Variants in SLC24A2 observed in about 807,000 individuals in gnomAD.
SLC24A2 encodes solute carrier family 24 member 2.
SLC24A2 carries 36 observed loss-of-function variants against 62.0 expected under a neutral mutation model. The observed-to-expected ratio is 0.58, with a 90% confidence interval of 0.44 to 0.77. The LOEUF is 0.77. Ranked by LOEUF, SLC24A2 falls within the 30% of genes least tolerant of loss-of-function variation. The pLI, the probability that SLC24A2 is intolerant of heterozygous loss-of-function variation, is 0.00. For synonymous variants in SLC24A2, 358 were observed against 294.0 expected, an observed-to-expected ratio of 1.22 and a Z score of -2.23; for missense variants, 846 against 817.9, an observed-to-expected ratio of 1.03 and a Z score of -0.42.
chr9:19,915,925 C>T, the SLC24A2 span, among the ~76,000 whole-genome samples: 548 of 151,950 alleles, frequency 3.6e-3, 1 homozygote, highest in African/African-American at 0.011. Flanking sequence ...GGTTTTAAGT[C>T]CAATTATTTA....
chr9:19,513,254 G>A lies in SLC24A2; in HGVS notation c.*2899C>T, dbSNP rs2132612298. 6.7e-6 allele frequency: 1 copy of A among 148,738 alleles called. No homozygotes were observed. Among genetic ancestry groups the A allele is most frequent in the East Asian group, 2.0e-4 (1 of 5,012 alleles). The allele number at this position is 148,738 out of a possible 1,614,324, so 9.2% of individuals were successfully genotyped here. A position where few individuals can be genotyped will look rare whatever the true frequency, so the allele number is the denominator to read the frequency against. Reference sequence around the variant, plus strand: ...AAACGAGTTAGAGATGACCTGTTTTGGAAACCACGGTGTGGAAAGTTCTTA... The same window carrying A: ...AAACGAGTTAGAGATGACCTGTTTTAGAAACCACGGTGTGGAAAGTTCTTA... On this transcript the variant is annotated 3_prime_UTR_variant, in exon 11 of 11. Coordinates refer to ENST00000341998, the MANE Select transcript of SLC24A2 (RefSeq NM_020344.4).
At chr9:20,185,264 T>C in the SLC24A2 span, among the ~76,000 whole-genome samples, 1 of 152,204 alleles carries the variant, frequency 6.6e-6, no homozygotes, top group Non-Finnish European at 1.5e-5. Flanking sequence ...AATGCATATG[T>C]TAATTAGCTT....
At chr9:20,009,206 C>T in the SLC24A2 span, among the ~76,000 whole-genome samples, 1 of 152,006 alleles carries the variant, frequency 6.6e-6, no homozygotes, top group Non-Finnish European at 1.5e-5. Flanking sequence ...CTATGGGAAA[C>T]ACTGAGAGTA....
chr9:20,099,768 G>T, the SLC24A2 span, among the ~76,000 whole-genome samples: 1 of 152,078 alleles, frequency 6.6e-6, no homozygotes, highest in African/African-American at 2.4e-5. Flanking sequence ...TCTATAACTT[G>T]TTCCATTTTA....
chr9:20,090,640 G>A, the SLC24A2 span, among the ~76,000 whole-genome samples: 1 of 151,932 alleles, frequency 6.6e-6, no homozygotes, highest in African/African-American at 2.4e-5. Context: ...AAAGACAAGG[G>A]AGCTACAAAG....
the SLC24A2 span, among the ~76,000 whole-genome samples, chr9:19,884,726 C>G: frequency 2.0e-5 from 3 of 152,070 alleles, no homozygotes; most frequent in African/African-American, 7.2e-5. Context: ...ATTGTTTTCA[C>G]TTTCAGTACA....
At chr9:19,906,757 C>A in the SLC24A2 span, among the ~76,000 whole-genome samples, 1 of 151,024 alleles carries the variant, frequency 6.6e-6, no homozygotes, top group East Asian at 2.1e-4. Flanking sequence ...CGACATATAC[C>A]CTCCCAAGAC....
chr9:19,528,214 C>A, intron 8 of SLC24A2, 76 bp from the exon 9 acceptor site: 1 of 985,004 alleles, frequency 1.0e-6, no homozygotes, highest in Non-Finnish European at 1.6e-6. Flanking sequence ...AAGCTAAAGC[C>A]ACCATTGTAG....
the SLC24A2 span, among the ~76,000 whole-genome samples, chr9:19,794,610 G>A: frequency 1.6e-5 from 2 of 128,350 alleles, no homozygotes; most frequent in African/African-American, 5.2e-5. Context: ...AAAAAAAAAA[G>A]CCACAGTGTG....
At chr9:20,149,150 T>A in the SLC24A2 span, among the ~76,000 whole-genome samples, 1 of 152,028 alleles carries the variant, frequency 6.6e-6, no homozygotes, top group Non-Finnish European at 1.5e-5. Context: ...TGAAAAGTCC[T>A]GGTGAGAAAC....
At chr9:19,615,017 C>T (rs1310321757) in intron 4 of SLC24A2, among the ~76,000 whole-genome samples, 2 of 150,668 alleles carry the variant, frequency 1.3e-5, no homozygotes, top group South Asian at 2.1e-4. Context: ...TCTTGGGGTG[C>T]TTTGTTACAC....
chr9:19,712,654 C>T (rs1164098145), intron 2 of SLC24A2, among the ~76,000 whole-genome samples: 2 of 152,178 alleles, frequency 1.3e-5, no homozygotes, highest in African/African-American at 4.8e-5. Flanking sequence ...CAGCGACACA[C>T]ACCCTCTAGT....
chr9:19,771,426 T>G (rs988745369), intron 2 of SLC24A2, among the ~76,000 whole-genome samples: 6 of 152,238 alleles, frequency 3.9e-5, no homozygotes, highest in Non-Finnish European at 7.3e-5. Context: ...TCAGAGCTAT[T>G]TGTGGCTATC....
chr9:20,176,541 TC>T, the SLC24A2 span, among the ~76,000 whole-genome samples: 1 of 151,938 alleles, frequency 6.6e-6, no homozygotes, highest in African/African-American at 2.4e-5. Context: ...AGAAATAAAC[TC>T]GGAAAGGGAC....
At chr9:19,946,703 G>C in the SLC24A2 span, among the ~76,000 whole-genome samples, 2 of 152,156 alleles carry the variant, frequency 1.3e-5, no homozygotes, top group Non-Finnish European at 2.9e-5. Flanking sequence ...AGGGCCCAGG[G>C]ATTTGGTCCC....
At chr9:19,985,054 G>C in the SLC24A2 span, among the ~76,000 whole-genome samples, 69,239 of 151,638 alleles carry the variant, frequency 0.46, 16,614 homozygotes, top group Non-Finnish European at 0.53. Flanking sequence ...CACTAGGATA[G>C]TTCAAATTTT....
chr9:20,203,961 G>A, the SLC24A2 span, among the ~76,000 whole-genome samples: 1 of 148,650 alleles, frequency 6.7e-6, no homozygotes, highest in Non-Finnish European at 1.5e-5. Context: ...AACAAAAACT[G>A]TTTTCAGAAA....
intron 4 of SLC24A2, among the ~76,000 whole-genome samples, chr9:19,600,149 G>A (rs1031470542): frequency 1.3e-5 from 2 of 152,158 alleles, no homozygotes; most frequent in Non-Finnish European, 2.9e-5. Flanking sequence ...ATTTCTCTAA[G>A]AAGCCACACA....
chr9:19,945,364 G>C, the SLC24A2 span, among the ~76,000 whole-genome samples: 3 of 152,044 alleles, frequency 2.0e-5, no homozygotes, highest in Admixed American at 1.3e-4. Context: ...GCAGGGAAGG[G>C]CACAGCACGC....
Sources: allele counts gnomAD v4.1 joint callset (sites outside exome capture counted in the v4.1 genomes callset), GRCh38; gene constraint gnomAD v4.1.1; transcripts MANE v1.5; gene names NCBI Gene and HGNC (gene_info 2026-07-23, HGNC 2026-07-21).